The following PLCB1 variants were observed in gnomAD, a reference collection of about 807,000 sequenced individuals.
PLCB1 encodes phospholipase C beta 1, also known as 1-phosphatidylinositol 4,5-bisphosphate phosphodiesterase beta-1.
PLCB1 carries 46 observed loss-of-function variants against 161.8 expected under a neutral mutation model. That is an observed-to-expected ratio of 0.28 (90% CI 0.22 to 0.36). The LOEUF (loss-of-function observed/expected upper bound fraction) is 0.36, where lower values mean the gene tolerates loss of function less well. Among genes scored for constraint, PLCB1 ranks in the 10% least tolerant of loss-of-function variants. The probability of loss-of-function intolerance (pLI) is 1.00; values close to 1 mark genes in which losing one functional copy is unlikely to be tolerated. For synonymous variants in PLCB1, 517 were observed against 503.7 expected (o/e 1.03, Z -0.35); for missense variants, 1,016 against 1,472.5 (o/e 0.69, Z 5.07).
In PLCB1 at chr20:8,487,184, G is replaced by A. The variant is rs571508048; in HGVS notation, c.246+115734G>A. ...CTGTAATAAGATAGAATCAGAGATAGACTCCTTGCTATTCTCAGGTTATTT... is the reference window on the plus strand; with the variant it reads ...CTGTAATAAGATAGAATCAGAGATAAACTCCTTGCTATTCTCAGGTTATTT... On this transcript the variant is annotated intron_variant, in intron 3 of 31. Transcript: ENST00000338037. Among the ~76,000 whole-genome samples the A allele has an allele frequency of 1.1e-4, 17 of 152,270 alleles. 1 individual carries two copies. In the South Asian group the frequency reaches 3.5e-3, roughly 32 times the overall value.
chr20:8,281,391 C>T (rs1218495609), intron 2 of PLCB1, among the ~76,000 whole-genome samples: 2 of 151,954 alleles, frequency 1.3e-5, no homozygotes, highest in Admixed American at 6.6e-5. Context: ...TTAAAACCTT[C>T]TTAACATAGA....
chr20:8,145,675 T>C (rs2051446096), intron 1 of PLCB1, among the ~76,000 whole-genome samples: 1 of 152,184 alleles, frequency 6.6e-6, no homozygotes, highest in Admixed American at 6.5e-5. Flanking sequence ...ATCTCCCTGT[T>C]AAAGAGTGTC....
At chr20:8,439,322 T>C (rs745563204) in intron 3 of PLCB1, among the ~76,000 whole-genome samples, 4 of 152,200 alleles carry the variant, frequency 2.6e-5, no homozygotes, top group Non-Finnish European at 5.9e-5. Flanking sequence ...AGGAATATAC[T>C]CTTTATTGGC....
intron 2 of PLCB1, among the ~76,000 whole-genome samples, chr20:8,311,948 G>T (rs1262386908): frequency 6.6e-6 from 1 of 152,168 alleles, no homozygotes; most frequent in Non-Finnish European, 1.5e-5. Flanking sequence ...AACTCCAACT[G>T]CCTTGTGAAT....
In PLCB1 at chr20:8,810,181, A is replaced by G. The variant is rs181173415; in HGVS notation, c.3423+19920A>G. 7.9e-5 allele frequency among the ~76,000 whole-genome samples: 12 copies of G among 152,240 alleles called. No individual in the cohort carries two copies. The East Asian group carries it at 1.5e-3, about 20-fold the overall frequency. On this transcript the variant is annotated intron_variant, in intron 31 of 31. Transcript: ENST00000338037. ...GCTCAGACTTTGAAAATGTAATACC[A>G]TCTGGCAGAACTCACATTCGACCTT...
At chr20:8,799,367 A>G (rs914036347) in intron 31 of PLCB1, among the ~76,000 whole-genome samples, 1 of 152,152 alleles carries the variant, frequency 6.6e-6, no homozygotes, top group Non-Finnish European at 1.5e-5. Flanking sequence ...TCATCTGCCC[A>G]CCTGCCATAC....
intron 2 of PLCB1, among the ~76,000 whole-genome samples, chr20:8,172,932 G>A (rs1015238154): frequency 6.6e-6 from 1 of 152,192 alleles, no homozygotes; most frequent in African/African-American, 2.4e-5. Flanking sequence ...GCAACAGAAG[G>A]TGGTTCAGGA....
intron 9 of PLCB1, among the ~76,000 whole-genome samples, chr20:8,661,373 G>A (rs867861298): frequency 2.6e-5 from 4 of 152,186 alleles, no homozygotes; most frequent in Non-Finnish European, 5.9e-5. Context: ...TATCTAGCAC[G>A]TGGGAAGGAC....
At chr20:8,717,271 C>G (rs1359611001) in intron 13 of PLCB1, among the ~76,000 whole-genome samples, 1 of 152,190 alleles carries the variant, frequency 6.6e-6, no homozygotes, top group Non-Finnish European at 1.5e-5. Flanking sequence ...CTGGAAGCTT[C>G]TGCCCGTCTT....
intron 3 of PLCB1, among the ~76,000 whole-genome samples, chr20:8,514,144 A>G (rs1445940686): frequency 1.3e-5 from 2 of 152,140 alleles, no homozygotes; most frequent in Non-Finnish European, 2.9e-5. Context: ...GGAGTTTGAA[A>G]CCAGCCTGGG....
At chr20:8,829,597 AATGCACGCCTGGAAGGAGTCC>A (rs1985885217) in intron 31 of PLCB1, among the ~76,000 whole-genome samples, 1 of 152,228 alleles carries the variant, frequency 6.6e-6, no homozygotes, top group Non-Finnish European at 1.5e-5. Context: ...ATGCCCTGGC[AATGCACGCCTGGAAGGAGTCC>A]ATGGACTGAT....
At chr20:8,584,399 A>G (rs1186739417) in intron 3 of PLCB1, among the ~76,000 whole-genome samples, 3 of 152,014 alleles carry the variant, frequency 2.0e-5, no homozygotes, top group East Asian at 1.9e-4. Context: ...TTAGTAAGGT[A>G]TAGCTTACAT....
intron 2 of PLCB1, among the ~76,000 whole-genome samples, chr20:8,276,776 A>G (rs1387737364): frequency 6.6e-6 from 1 of 152,004 alleles, no homozygotes; most frequent in African/African-American, 2.4e-5. Flanking sequence ...CTCAGCCTGA[A>G]TCACCAAGCC....
chr20:8,260,758 A>G (rs1328915625), intron 2 of PLCB1, among the ~76,000 whole-genome samples: 1 of 152,116 alleles, frequency 6.6e-6, no homozygotes, highest in Non-Finnish European at 1.5e-5. Flanking sequence ...CGTGGTTAGC[A>G]GTGTTGTTCA....
At chr20:8,823,221 C>T (rs1985521965) in intron 31 of PLCB1, among the ~76,000 whole-genome samples, 1 of 152,180 alleles carries the variant, frequency 6.6e-6, no homozygotes, top group East Asian at 1.9e-4. Context: ...CTCCTGTGTT[C>T]CAGTGATTCT....
intron 23 of PLCB1, among the ~76,000 whole-genome samples, chr20:8,746,321 T>A (rs1981170115): frequency 6.6e-6 from 1 of 152,158 alleles, no homozygotes; most frequent in African/African-American, 2.4e-5. Context: ...TCATAACACT[T>A]TTTTTCTATT....
intron 31 of PLCB1, among the ~76,000 whole-genome samples, chr20:8,845,585 A>G (rs945286188): frequency 6.6e-6 from 1 of 152,222 alleles, no homozygotes; most frequent in African/African-American, 2.4e-5. Context: ...ATCATTACAG[A>G]AAGTTCTATT....
chr20:8,440,924 A>G (rs964968143), intron 3 of PLCB1, among the ~76,000 whole-genome samples: 2 of 152,110 alleles, frequency 1.3e-5, no homozygotes, highest in African/African-American at 4.8e-5. Flanking sequence ...CCATGAATAT[A>G]TACAATTATT....
chr20:8,721,015 T>TTA (rs1173269160), intron 14 of PLCB1, among the ~76,000 whole-genome samples: 2 of 152,184 alleles, frequency 1.3e-5, no homozygotes, highest in Non-Finnish European at 2.9e-5. Flanking sequence ...AATATCAGCA[T>TTA]TATAAAGTGG....
Sources: allele counts gnomAD v4.1 joint callset (sites outside exome capture counted in the v4.1 genomes callset), GRCh38; gene constraint gnomAD v4.1.1; transcripts MANE v1.5; gene names NCBI Gene and HGNC (gene_info 2026-07-23, HGNC 2026-07-21).